DYNLT1: variants seen among roughly 807,000 people sequenced by gnomAD.
The protein encoded by DYNLT1 is T-complex testis-specific protein 1 homolog.
DYNLT1 carries 18 observed loss-of-function variants against 19.6 expected under a neutral mutation model. The ratio of observed to expected loss-of-function variants is 0.92; its 90% CI spans 0.64 to 1.36. The LOEUF is 1.36. Among genes scored for constraint, DYNLT1 ranks in the 40% most tolerant of loss-of-function variants. The probability of loss-of-function intolerance (pLI) is 0.00; values close to 1 mark genes in which losing one functional copy is unlikely to be tolerated. For synonymous variants in DYNLT1, 56 were observed against 44.0 expected, an observed-to-expected ratio of 1.27 and a Z score of -1.07; for missense variants, 137 against 139.3, an observed-to-expected ratio of 0.98 and a Z score of 0.08.
At chr6:158,644,388 G>A (rs1436265747) in intron 1 of DYNLT1, among the ~76,000 whole-genome samples, 5 of 152,134 alleles carry the variant, frequency 3.3e-5, no homozygotes, top group Non-Finnish European at 4.4e-5. Context: ...AGGCCCTGCG[G>A]GAAGGTTTCT....
intron 1 of DYNLT1, chr6:158,642,197 C>T (rs1372795185): frequency 2.0e-5 from 3 of 152,228 alleles, no homozygotes; most frequent in African/African-American, 4.8e-5. Flanking sequence ...CCAGGACTAA[C>T]CACCAGCTGC....
In DYNLT1 at chr6:158,636,496, T is replaced by C. The variant is rs756425668; in HGVS notation, c.*331A>G. 3.6e-6 allele frequency: 1 copy of C among 276,120 alleles called. No individual in the cohort carries two copies. Among genetic ancestry groups the C allele is most frequent in the Non-Finnish European group, 7.1e-6 (1 of 140,062 alleles). 17.1% of individuals were successfully genotyped at this position (276,120 alleles called of 1,614,324 possible). ...GACTTTAGATTTGAATAATTTATTC[T>C]AACAAAAGTATAAAGTATGGAAAAT... On this transcript the variant is annotated 3_prime_UTR_variant, in exon 5 of 5. Coordinates refer to ENST00000367089, the MANE Select transcript of DYNLT1 (RefSeq NM_006519.4).
In DYNLT1 at chr6:158,642,949, C is replaced by T. The variant is rs114101106; in HGVS notation, c.28-1589G>A. Among the ~76,000 whole-genome samples, 247 of 152,300 alleles carry T rather than the reference C, an allele frequency of 1.6e-3. 1 individual carries two copies. The highest frequency in any genetic ancestry group is 5.7e-3 in the African/African-American group (238 of 41,570). On this transcript the variant is annotated intron_variant, in intron 1 of 4. Coordinates refer to ENST00000367089, the MANE Select transcript of DYNLT1 (RefSeq NM_006519.4). Reference sequence around the variant, plus strand: ...GTTAGAAGAGATGCAGAAAAGGCTGCTAAGAGGCTGGTGGGAGGACCAGAA... The same window carrying T: ...GTTAGAAGAGATGCAGAAAAGGCTGTTAAGAGGCTGGTGGGAGGACCAGAA...
chr6:158,642,884 G>A (rs1361137169), intron 1 of DYNLT1: 1 of 152,222 alleles, frequency 6.6e-6, no homozygotes, highest in Non-Finnish European at 1.5e-5. Flanking sequence ...TGAATGGTGA[G>A]TTGAGAGAAT....
intron 2 of DYNLT1, among the ~76,000 whole-genome samples, chr6:158,640,716 TACC>T (rs1787117803): frequency 6.6e-6 from 1 of 152,188 alleles, no homozygotes; most frequent in Non-Finnish European, 1.5e-5. Flanking sequence ...TAGTGGCACT[TACC>T]ACACAGCAAA....
chr6:158,637,707 G>A, intron 3 of DYNLT1, 64 bp downstream of exon 3: 2 of 1,613,192 alleles, frequency 1.2e-6, no homozygotes, highest in Non-Finnish European at 1.7e-6. Context: ...TCTGGTACTG[G>A]ATGCCCCTCT....
At chr6:158,637,293 T>C (rs1787029847) in intron 3 of DYNLT1, 88 bp from the exon 4 acceptor site, 2 of 1,166,270 alleles carry the variant, frequency 1.7e-6, no homozygotes, top group East Asian at 2.4e-5. Context: ...ACAATGTATG[T>C]AGCTCCACGT....
chr6:158,643,313 CTCG>C (rs1419339022), intron 1 of DYNLT1, among the ~76,000 whole-genome samples: 1 of 152,198 alleles, frequency 6.6e-6, no homozygotes, highest in Non-Finnish European at 1.5e-5. Flanking sequence ...ACCAGCTCTT[CTCG>C]TCATTATTCA....
At chr6:158,637,104 C>T in intron 4 of DYNLT1, 24 bp downstream of exon 4, 1 of 1,614,036 alleles carries the variant, frequency 6.2e-7, no homozygotes, top group Non-Finnish European at 8.5e-7. Context: ...AACAAAACTT[C>T]ACAAACATGA....
At chr6:158,637,641 A>G in intron 3 of DYNLT1, 130 bp downstream of exon 3, 1 of 1,434,434 alleles carries the variant, frequency 7.0e-7, no homozygotes, top group Non-Finnish European at 9.8e-7. Flanking sequence ...TATACTACAC[A>G]CACGACCGAC....
intron 3 of DYNLT1, 55 bp from the exon 4 acceptor site, chr6:158,637,260 T>C (rs1399473239): frequency 2.0e-6 from 3 of 1,521,890 alleles, no homozygotes; most frequent in Non-Finnish European, 2.7e-6. Context: ...ACAAATGTCA[T>C]TCTGTCCACT....
chr6:158,637,653 C>G, intron 3 of DYNLT1, 118 bp downstream of exon 3: 1 of 1,533,628 alleles, frequency 6.5e-7, no homozygotes, highest in Middle Eastern at 1.7e-4. Context: ...ACGACCGACT[C>G]CCACCAGGAG....
intron 1 of DYNLT1, among the ~76,000 whole-genome samples, chr6:158,643,643 G>A (rs972554981): frequency 7.2e-5 from 11 of 151,968 alleles, no homozygotes; most frequent in East Asian, 3.9e-4. Flanking sequence ...CACCACGCCC[G>A]GCTAATTTTG....
intron 1 of DYNLT1, chr6:158,641,579 T>G (rs1787135954): frequency 5.6e-6 from 2 of 360,218 alleles, no homozygotes; most frequent in Non-Finnish European, 9.9e-6. Flanking sequence ...TATTTTTATT[T>G]ATTTATTTTT....
chr6:158,637,334 C>T (rs1787031453), intron 3 of DYNLT1, 129 bp from the exon 4 acceptor site: 3 of 791,580 alleles, frequency 3.8e-6, no homozygotes, highest in African/African-American at 1.7e-5. Flanking sequence ...ATTATAGGGA[C>T]AGATTGCCTT....
intron 1 of DYNLT1, chr6:158,641,970 A>C (rs969183145): frequency 6.6e-6 from 1 of 152,266 alleles, no homozygotes; most frequent in Non-Finnish European, 1.5e-5. Context: ...ATTAACCAAT[A>C]GAGAGGCTTA....
intron 1 of DYNLT1, 96 bp from the exon 2 acceptor site, chr6:158,641,456 A>G (rs1390442301): frequency 9.1e-7 from 1 of 1,094,548 alleles, no homozygotes; most frequent in Non-Finnish European, 1.3e-6. Flanking sequence ...TAATGTAGAA[A>G]TGAAGACCTT....
chr6:158,641,347 A>C lies in DYNLT1; in HGVS notation c.41T>G (p.Val14Gly), dbSNP rs751496503. ...YQAAEETAFV[V>G]DEVSNIVKEA... is the part of the protein sequence containing the mutation. ...TTTTACAATGTTGCTCACTTCATCA[A>C]CAACAAAAGCAGTCTGTAAGGAAGA... The change falls in exon 2 of 5, where the codon GTT (valine) becomes GGT (glycine). Residue 14 changes from valine to glycine, a missense_variant. Coordinates refer to ENST00000367089, the MANE Select transcript of DYNLT1 (RefSeq NM_006519.4). 4.4e-6 allele frequency: 7 copies of C among 1,598,988 alleles called. No homozygotes were observed. The African/African-American group carries it at 9.4e-5, about 22-fold the overall frequency.
At chr6:158,642,137 T>A (rs1787147856) in intron 1 of DYNLT1, 1 of 152,226 alleles carries the variant, frequency 6.6e-6, no homozygotes, top group South Asian at 2.1e-4. Context: ...GTACGATGAT[T>A]ACATTATCTC....
Sources: gnomAD v4.1 joint callset for allele counts (sites outside exome capture counted in the v4.1 genomes callset) on GRCh38, gnomAD v4.1.1 for gene constraint, MANE v1.5 for transcripts, NCBI Gene and HGNC (gene_info 2026-07-23, HGNC 2026-07-21) for gene names.